The following IL15RA variants were observed in gnomAD, a reference collection of about 807,000 sequenced individuals.
The protein encoded by IL15RA is interleukin 15 receptor subunit alpha, also known as interleukin-15 receptor subunit alpha.
Under a neutral mutation model 24.2 loss-of-function variants are expected in IL15RA, and 26 were observed. The ratio of observed to expected loss-of-function variants is 1.07; its 90% CI spans 0.79 to 1.49. The LOEUF is 1.49. IL15RA is among the 40% of genes most tolerant of loss of function. The probability of loss-of-function intolerance (pLI) is 0.00; values close to 1 mark genes in which losing one functional copy is unlikely to be tolerated. For synonymous variants in IL15RA, 166 were observed against 157.6 expected (o/e 1.05, Z -0.40); for missense variants, 354 against 356.4 (o/e 0.99, Z 0.05).
In IL15RA at chr10:5,958,077, C is replaced by G. The variant is rs189665967; in HGVS notation, c.617-1623G>C. The G allele has an allele frequency of 5.6e-5, 13 of 230,176 alleles. No homozygotes were observed. The highest frequency in any genetic ancestry group is 5.5e-4 in the Admixed American group (11 of 19,836). The allele number at this position is 230,176 out of a possible 1,614,324, so 14.3% of individuals were successfully genotyped here. ...TTAATGGCTGTTTGTAAGATAACAACAGAATGTAGCAATCACATGTCCAGA... is the reference window on the plus strand; with the variant it reads ...TTAATGGCTGTTTGTAAGATAACAAGAGAATGTAGCAATCACATGTCCAGA... On this transcript the variant is annotated intron_variant, in intron 5 of 6. Transcript: ENST00000379977. The surrounding 1 kb of genome is among the most constrained non-coding windows in gnomAD (Gnocchi z 4.3).
rs891747602 is a variant in IL15RA, at chr10:5,964,235, T to G, written c.284-394A>C. Among the ~76,000 whole-genome samples, 6 of 152,172 alleles carry G rather than the reference T, an allele frequency of 3.9e-5. No homozygotes were observed. Among genetic ancestry groups the G allele is most frequent in the Non-Finnish European group, 5.9e-5 (4 of 68,024 alleles). On this transcript the variant is annotated intron_variant, in intron 2 of 6. Transcript: ENST00000379977. The surrounding 1 kb of genome is among the most constrained non-coding windows in gnomAD (Gnocchi z 5.6). ...GTGCAGTAGTGTGATCACAACTCAC[T>G]GCAGCCTTGACCTCCCGGGCTCAAG...
Position 5,960,803 on chromosome 10 carries a change from C to T in IL15RA, c.383-236G>A, listed in dbSNP as rs913873615. Among the ~76,000 whole-genome samples the T allele has an allele frequency of 2.0e-5, 3 of 152,154 alleles. No homozygotes were observed. Among genetic ancestry groups the T allele is most frequent in the Non-Finnish European group, 4.4e-5 (3 of 68,020 alleles). Reference sequence around the variant, plus strand: ...CGGCACGTATAAAGAAAAGATCAGCCAGACACAGTGGGTCATGCCTATAAT... The same window carrying T: ...CGGCACGTATAAAGAAAAGATCAGCTAGACACAGTGGGTCATGCCTATAAT... On this transcript the variant is annotated intron_variant, in intron 3 of 6. Coordinates refer to ENST00000379977, the MANE Select transcript of IL15RA (RefSeq NM_002189.4). The surrounding 1 kb of genome is among the most constrained non-coding windows in gnomAD (Gnocchi z 5.1).
At position 5,955,388 on chromosome 10, in the gene IL15RA, C is replaced by A. The variant is rs1274049517; in HGVS notation, c.692+991G>T. On this transcript the variant is annotated intron_variant, in intron 6 of 6. Transcript: ENST00000379977. The surrounding 1 kb of genome is among the most constrained non-coding windows in gnomAD (Gnocchi z 5.3). ...TGCTGGGATTACAGGCATGAGCTAC[C>A]GTGCCCAGCCAGGGTCACATAATTT... is the stretch of plus-strand genomic sequence containing the variant. Among the ~76,000 whole-genome samples, 1 of 151,910 alleles carries A rather than the reference C, an allele frequency of 6.6e-6. No individual in the cohort carries two copies. Among genetic ancestry groups the A allele is most frequent in the African/African-American group, 2.4e-5 (1 of 41,316 alleles).
At position 5,960,061 on chromosome 10, in the gene IL15RA, C is replaced by T. The variant is rs1378376910; in HGVS notation, c.584-275G>A. On this transcript the variant is annotated intron_variant, in intron 4 of 6. Coordinates refer to ENST00000379977, the MANE Select transcript of IL15RA (RefSeq NM_002189.4). This position sits in a 1 kb window ranked among gnomAD's most constrained non-coding sequence, Gnocchi z 5.1. Reference sequence around the variant, plus strand: ...CCCGGACTGTAGGCAGCTTCACCACCTCCTACTGCAGGAGGGCACAGATGC... The same window carrying T: ...CCCGGACTGTAGGCAGCTTCACCACTTCCTACTGCAGGAGGGCACAGATGC... Among the ~76,000 whole-genome samples the T allele has an allele frequency of 6.6e-6, 1 of 152,212 alleles. No individual in the cohort carries two copies. Among genetic ancestry groups the T allele is most frequent in the East Asian group, 1.9e-4 (1 of 5,198 alleles).
In IL15RA at chr10:5,970,338, T is replaced by G. The variant is rs6602354; in HGVS notation, c.89-3999A>C. Among the ~76,000 whole-genome samples, 1 of 152,230 alleles carries G rather than the reference T, an allele frequency of 6.6e-6. No homozygotes were observed. Among genetic ancestry groups the G allele is most frequent in the African/African-American group, 2.4e-5 (1 of 41,462 alleles). On this transcript the variant is annotated intron_variant, in intron 1 of 6. Coordinates refer to ENST00000379977, the MANE Select transcript of IL15RA (RefSeq NM_002189.4). The surrounding 1 kb of genome is among the most constrained non-coding windows in gnomAD (Gnocchi z 4.1). ...TTGTTCTATGTTTTGCTTTGACATA[T>G]GTTATACCCCATGACACATTGTTAT...
At position 5,953,277 on chromosome 10, in the gene IL15RA, C is replaced by T. The variant is rs1291900029; in HGVS notation, c.693-71G>A. 6.3e-6 allele frequency: 7 copies of T among 1,107,716 alleles called. No individual in the cohort carries two copies. Among genetic ancestry groups the T allele is most frequent in the South Asian group, 6.2e-5 (5 of 80,038 alleles). The allele number at this position is 1,107,716 out of a possible 1,614,324, so 68.6% of individuals were successfully genotyped here. A position where few individuals can be genotyped will look rare whatever the true frequency, so the allele number is the denominator to read the frequency against. ...CCCTCAAATCAACAGACGCTTCCCA[C>T]TGAGCATGTATGTCCAGCACTGCGG... On this transcript the variant is annotated intron_variant, in intron 6 of 6. Coordinates refer to ENST00000379977, the MANE Select transcript of IL15RA (RefSeq NM_002189.4). This position sits in a 1 kb window ranked among gnomAD's most constrained non-coding sequence, Gnocchi z 5.3.
At chr10:5,950,590 C>T (rs1833794918), downstream of IL15RA, among the ~76,000 whole-genome samples, 5 of 152,130 alleles carry the variant, frequency 3.3e-5, no homozygotes, top group South Asian at 1.0e-3. This position sits in a 1 kb window ranked among gnomAD's most constrained non-coding sequence, Gnocchi z 5.6. Flanking sequence ...TGTGTTGATT[C>T]CTTCCTTCCC....
Position 5,956,371 on chromosome 10 carries a change from C to A in IL15RA, c.692+8G>T. On this transcript the variant is annotated splice_region_variant and intron_variant, in intron 6 of 6. Transcript: ENST00000379977. ...ACTCTTGCAGAGGGAGTATCCAGTG[C>A]AACTCACCTTGACTTGAGGTAGCAT... is the stretch of plus-strand genomic sequence containing the variant. 1 of 1,607,040 alleles carries A rather than the reference C, an allele frequency of 6.2e-7. No homozygotes were observed. Among genetic ancestry groups the A allele is most frequent in the Non-Finnish European group, 8.5e-7 (1 of 1,173,612 alleles).
Position 5,963,519 on chromosome 10 carries a change from A to G in IL15RA, c.382+224T>C, listed in dbSNP as rs997732416. 2.6e-5 allele frequency among the ~76,000 whole-genome samples: 4 copies of G among 152,200 alleles called. No homozygotes were observed. Among genetic ancestry groups the G allele is most frequent in the Admixed American group, 6.5e-5 (1 of 15,272 alleles). ...GATATGACATATTAGTGAGTTTTAA[A>G]CCACTATTAATTCTGCACATATAAC... On this transcript the variant is annotated intron_variant, in intron 3 of 6. Transcript: ENST00000379977. This position sits in a 1 kb window ranked among gnomAD's most constrained non-coding sequence, Gnocchi z 5.3.
rs1045284490 is a variant in IL15RA at position 5,961,760 on chromosome 10, C to G, written c.383-1193G>C. ...TCCCTCTCCATGAAAAATGTGTCTTCCATTGTGACAGCCACGGAATCTAGG... is the reference window on the plus strand; with the variant it reads ...TCCCTCTCCATGAAAAATGTGTCTTGCATTGTGACAGCCACGGAATCTAGG... On this transcript the variant is annotated intron_variant, in intron 3 of 6. Transcript: ENST00000379977. The surrounding 1 kb of genome is among the most constrained non-coding windows in gnomAD (Gnocchi z 5.2). Among the ~76,000 whole-genome samples the G allele has an allele frequency of 1.3e-5, 2 of 152,242 alleles. No individual in the cohort carries two copies. The highest frequency in any genetic ancestry group is 4.8e-5 in the African/African-American group (2 of 41,474).
Position 5,955,168 on chromosome 10 carries a change from T to G in IL15RA, c.692+1211A>C, listed in dbSNP as rs1323787329. Among the ~76,000 whole-genome samples, 1 of 151,828 alleles carries G rather than the reference T, an allele frequency of 6.6e-6. No homozygotes were observed. The highest frequency in any genetic ancestry group is 1.5e-5 in the Non-Finnish European group (1 of 67,962). The stretch of plus-strand genomic sequence containing the variant: ...AGGCTGGAGTGCAATGGTGTGATCT[T>G]GGCTCACTGCAACCTCCGCCTCCCT... On this transcript the variant is annotated intron_variant, in intron 6 of 6. Coordinates refer to ENST00000379977, the MANE Select transcript of IL15RA (RefSeq NM_002189.4). This position sits in a 1 kb window ranked among gnomAD's most constrained non-coding sequence, Gnocchi z 5.3.
rs201078174 is a variant in IL15RA, at chr10:5,960,556, A to T, written c.394T>A (p.Ser132Thr). 3.5e-5 allele frequency: 57 copies of T among 1,613,838 alleles called. No homozygotes were observed. The highest frequency in any genetic ancestry group is 5.0e-5 in the Admixed American group (3 of 59,980). Residue 132 changes from serine to threonine, a missense_variant, in exon 4 of 7, where the codon TCA becomes ACA. Coordinates refer to ENST00000379977, the MANE Select transcript of IL15RA (RefSeq NM_002189.4). The surrounding 1 kb of genome is among the most constrained non-coding windows in gnomAD (Gnocchi z 5.1). ...LSPSGKEPAASSPSSNNTAAT... is the reference protein window; with the variant it reads ...LSPSGKEPAATSPSSNNTAAT... ...GCTGTGTTGTTTGAGCTGGGAGATG[A>T]AGCTGCGGGCTCTGTAGGAGAGTCC... is the stretch of plus-strand genomic sequence containing the variant.
Position 5,960,000 on chromosome 10 carries a change from C to T in IL15RA, c.584-214G>A, listed in dbSNP as rs1255750594. ...TCAGATAAGCCTTACAGAAGGTCCC[C>T]ATTACCCTCAGCTCCTCCATTCCAC... On this transcript the variant is annotated intron_variant, in intron 4 of 6. Coordinates refer to ENST00000379977, the MANE Select transcript of IL15RA (RefSeq NM_002189.4). This position sits in a 1 kb window ranked among gnomAD's most constrained non-coding sequence, Gnocchi z 4.1. 2.0e-5 allele frequency among the ~76,000 whole-genome samples: 3 copies of T among 152,220 alleles called. No homozygotes were observed. Among genetic ancestry groups the T allele is most frequent in the Non-Finnish European group, 4.4e-5 (3 of 68,036 alleles).
chr10:5,948,966 G>A (rs1466875044), downstream of IL15RA: 1 of 289,008 alleles, frequency 3.5e-6, no homozygotes, highest in African/African-American at 2.2e-5. Context: ...CATATATAAT[G>A]TGTAGATATA....
Position 5,953,162 on chromosome 10 carries a change from G to A in IL15RA, c.737C>T (p.Ala246Val). The A allele has an allele frequency of 6.2e-7, 1 of 1,614,244 alleles. No homozygotes were observed. Among genetic ancestry groups the A allele is most frequent in the Non-Finnish European group, 8.5e-7 (1 of 1,180,030 alleles). Residue 246 changes from alanine (A) to valine (V), a missense_variant, in exon 7 of 7, where the codon GCT (alanine) becomes GTT (valine). By Grantham distance (64) the Ala-to-Val change is moderately conservative (BLOSUM62 0). Transcript: ENST00000379977. The surrounding 1 kb of genome is among the most constrained non-coding windows in gnomAD (Gnocchi z 5.3). Reference sequence around the variant, plus strand: ...GCTGGTCCCCCAAGTCACCGGCAGAGCCTCCATGGCTTCCATTTCAACGCT... The same window carrying A: ...GCTGGTCCCCCAAGTCACCGGCAGAACCTCCATGGCTTCCATTTCAACGCT... ...LASVEMEAMEALPVTWGTSSR... is the reference protein window; with the variant it reads ...LASVEMEAMEVLPVTWGTSSR...
At chr10:5,977,010 C>T in intron 1 of IL15RA, 1 of 173,580 alleles carries the variant, frequency 5.8e-6, no homozygotes, top group African/African-American at 2.4e-5. Flanking sequence ...GCGTGCTATG[C>T]AACACCCGCC....
In IL15RA at chr10:5,966,442, G is replaced by C; in HGVS notation, c.89-103C>G. 1.0e-6 allele frequency: 1 copy of C among 963,704 alleles called. No homozygotes were observed. Among genetic ancestry groups the C allele is most frequent in the Non-Finnish European group, 1.6e-6 (1 of 637,026 alleles). The allele number at this position is 963,704 out of a possible 1,614,324, so 59.7% of individuals were successfully genotyped here. On this transcript the variant is annotated intron_variant, in intron 1 of 6. Coordinates refer to ENST00000379977, the MANE Select transcript of IL15RA (RefSeq NM_002189.4). The surrounding 1 kb of genome is among the most constrained non-coding windows in gnomAD (Gnocchi z 6.4). ...AGTCAGTGTCCAGCTTATCCTAGGG[G>C]TGCCTCAGGACAAGCCCCAGGTGCC... is the stretch of plus-strand genomic sequence containing the variant.
At position 5,953,056 on chromosome 10, in the gene IL15RA, C is replaced by T; in HGVS notation, c.*39G>A. 7 of 1,437,574 alleles carry T rather than the reference C, an allele frequency of 4.9e-6. No homozygotes were observed. Among genetic ancestry groups the T allele is most frequent in the South Asian group, 3.4e-5 (3 of 87,450 alleles). 89.1% of individuals were successfully genotyped at this position (1,437,574 alleles called of 1,614,324 possible). ...CGTCTTTAGCTAAAGCAGAGAGGCT[C>T]CTTCACTCCGGACTTAGCTGGGCTG... On this transcript the variant is annotated 3_prime_UTR_variant, in exon 7 of 7. Transcript: ENST00000379977. The surrounding 1 kb of genome is among the most constrained non-coding windows in gnomAD (Gnocchi z 5.3).
rs1834010954 is a variant in IL15RA at position 5,952,944 on chromosome 10, C to T, written c.*151G>A. 1.5e-6 allele frequency: 1 copy of T among 656,824 alleles called. No individual in the cohort carries two copies. The allele number at this position is 656,824 out of a possible 1,614,324, so 40.7% of individuals were successfully genotyped here. On this transcript the variant is annotated 3_prime_UTR_variant, in exon 7 of 7. Coordinates refer to ENST00000379977, the MANE Select transcript of IL15RA (RefSeq NM_002189.4). ...TGCTCCCTCGCGCAGGAGGCGCCGA[C>T]CCGGCAGTCCGTGAGATCCTGCTGG...
Sources: gnomAD v4.1 joint callset for allele counts (sites outside exome capture counted in the v4.1 genomes callset) on GRCh38, gnomAD v4.1.1 for gene constraint, Gnocchi (gnomAD v3.1) non-coding constraint, MANE v1.5 for transcripts, NCBI Gene and HGNC (gene_info 2026-07-23, HGNC 2026-07-21) for gene names.